Variants in CSMD1 observed in about 807,000 individuals in gnomAD.
CSMD1 encodes CUB and Sushi multiple domains 1.
In CSMD1, 213 loss-of-function variants were observed where a neutral mutation model predicts 417.5. The observed-to-expected ratio is 0.51, with a 90% CI of 0.46 to 0.57. The LOEUF is 0.57. CSMD1 is among the 20% of genes least tolerant of loss of function. CSMD1 has a pLI of 0.00. For synonymous variants in CSMD1, 2,862 were observed against 1,736.8 expected, an observed-to-expected ratio of 1.65 and a Z score of -16.11; for missense variants, 6,923 against 4,529.7, an observed-to-expected ratio of 1.53 and a Z score of -15.17.
chr8:3,003,122 T>C (rs974735970), intron 52 of CSMD1, among the ~76,000 whole-genome samples: 3 of 152,202 alleles, frequency 2.0e-5, no homozygotes, highest in Non-Finnish European at 4.4e-5. Flanking sequence ...TGACCAATTA[T>C]AGTCTATTAC....
rs1039088766 is a variant in CSMD1 at position 3,560,009 on chromosome 8, G to C, written c.1344+14936C>G. On this transcript the variant is annotated intron_variant, in intron 10 of 69. Coordinates refer to ENST00000635120, the MANE Select transcript of CSMD1 (RefSeq NM_033225.6). ...GATTTCCTAACAAGATGAGTGGCCA[G>C]CGTAAGGGATTTAGTGTGGAGGGAA... Among the ~76,000 whole-genome samples, 5 of 152,112 alleles carry C rather than the reference G, an allele frequency of 3.3e-5. No individual in the cohort carries two copies. The East Asian group carries it at 5.8e-4, about 18-fold the overall frequency.
intron 5 of CSMD1, among the ~76,000 whole-genome samples, chr8:3,841,440 T>C (rs989038898): frequency 3.3e-5 from 5 of 152,178 alleles, no homozygotes; most frequent in Non-Finnish European, 4.4e-5. Context: ...AAACAATCTT[T>C]GACATTCTTT....
At chr8:3,496,658 T>G (rs1190870503) in intron 10 of CSMD1, among the ~76,000 whole-genome samples, 1 of 152,026 alleles carries the variant, frequency 6.6e-6, no homozygotes, top group East Asian at 1.9e-4. Flanking sequence ...AAACCCTGTC[T>G]CCACTAAAAA....
At chr8:3,802,256 G>C (rs1800497962) in intron 5 of CSMD1, among the ~76,000 whole-genome samples, 2 of 152,012 alleles carry the variant, frequency 1.3e-5, no homozygotes, top group South Asian at 4.1e-4. Context: ...AATGAGTTTG[G>C]AACATCTACA....
chr8:4,141,852 C>A (rs13270835), intron 3 of CSMD1, among the ~76,000 whole-genome samples: 1 of 150,506 alleles, frequency 6.6e-6, no homozygotes. Context: ...ACTAACAGTA[C>A]CATTTAGATA....
At chr8:4,026,563 C>G (rs1026249128) in intron 4 of CSMD1, among the ~76,000 whole-genome samples, 1 of 152,150 alleles carries the variant, frequency 6.6e-6, no homozygotes, top group Non-Finnish European at 1.5e-5. Flanking sequence ...TTGGCTTAGG[C>G]CAAGTTTTAA....
chr8:3,179,927 C>G (rs1397948057), intron 37 of CSMD1, among the ~76,000 whole-genome samples: 1 of 152,124 alleles, frequency 6.6e-6, no homozygotes, highest in Non-Finnish European at 1.5e-5. Flanking sequence ...GAATGTGAAA[C>G]AGCCCTGTGG....
At chr8:3,614,687 T>G (rs1802051461) in intron 8 of CSMD1, among the ~76,000 whole-genome samples, 1 of 152,222 alleles carries the variant, frequency 6.6e-6, no homozygotes, top group South Asian at 2.1e-4. Context: ...TTTCTAGGTT[T>G]CTGGGATGAC....
chr8:3,650,092 A>T (rs1370420148), intron 7 of CSMD1, among the ~76,000 whole-genome samples: 2 of 152,158 alleles, frequency 1.3e-5, no homozygotes, highest in Non-Finnish European at 2.9e-5. Flanking sequence ...TAGCCTGGAC[A>T]ACATGGTGAA....
chr8:4,641,523 G>A (rs186413775), intron 1 of CSMD1, among the ~76,000 whole-genome samples: 34 of 152,198 alleles, frequency 2.2e-4, no homozygotes, highest in Admixed American at 2.0e-3. Flanking sequence ...GACCGTCTAA[G>A]TAGCCACACA....
intron 8 of CSMD1, among the ~76,000 whole-genome samples, chr8:3,596,441 G>A (rs1311972459): frequency 6.6e-6 from 1 of 152,194 alleles, no homozygotes; most frequent in African/African-American, 2.4e-5. Flanking sequence ...CCAAATCACA[G>A]ATGAGAACGA....
intron 2 of CSMD1, among the ~76,000 whole-genome samples, chr8:4,519,470 T>A (rs1205503320): frequency 2.6e-5 from 4 of 151,992 alleles, no homozygotes; most frequent in Non-Finnish European, 4.4e-5. Context: ...CTGGGCATGG[T>A]GGCTCACGCC....
At chr8:3,865,145 C>G (rs977777741) in intron 5 of CSMD1, among the ~76,000 whole-genome samples, 1 of 152,160 alleles carries the variant, frequency 6.6e-6, no homozygotes, top group African/African-American at 2.4e-5. Flanking sequence ...TGTGTGTGTT[C>G]CAGCTCAGGC....
intron 20 of CSMD1, among the ~76,000 whole-genome samples, chr8:3,361,299 C>G (rs1323773337): frequency 6.6e-6 from 1 of 151,946 alleles, no homozygotes; most frequent in Non-Finnish European, 1.5e-5. Context: ...TGTGTGCACT[C>G]AATTCAAGCC....
At chr8:4,522,440 C>T (rs566349059) in intron 2 of CSMD1, among the ~76,000 whole-genome samples, 2 of 152,144 alleles carry the variant, frequency 1.3e-5, no homozygotes, top group East Asian at 3.9e-4. Flanking sequence ...CAAATCTCAC[C>T]CACAATCAGA....
At chr8:3,428,596 A>T (rs1563379108) in intron 12 of CSMD1, among the ~76,000 whole-genome samples, 1 of 152,202 alleles carries the variant, frequency 6.6e-6, no homozygotes, top group Non-Finnish European at 1.5e-5. Flanking sequence ...GTAAGAGTTC[A>T]CCGTTAGTGA....
chr8:4,198,099 T>G (rs1040229855), intron 3 of CSMD1, among the ~76,000 whole-genome samples: 1 of 152,134 alleles, frequency 6.6e-6, no homozygotes, highest in African/African-American at 2.4e-5. Flanking sequence ...GGAGTCTGAG[T>G]TAAGGTAAGT....
chr8:4,625,083 T>G (rs1402786469), intron 2 of CSMD1, among the ~76,000 whole-genome samples: 1 of 152,058 alleles, frequency 6.6e-6, no homozygotes, highest in Non-Finnish European at 1.5e-5. Flanking sequence ...TGTTCCTTAA[T>G]TGGATGGGTC....
chr8:3,713,671 A>T (rs9657366), intron 6 of CSMD1, among the ~76,000 whole-genome samples: 1 of 152,138 alleles, frequency 6.6e-6, no homozygotes. Context: ...ATAAAGGGAG[A>T]TCAGATAACC....
Sources: gnomAD v4.1 joint callset for allele counts (sites outside exome capture counted in the v4.1 genomes callset) on GRCh38, gnomAD v4.1.1 for gene constraint, MANE v1.5 for transcripts, NCBI Gene and HGNC (gene_info 2026-07-23, HGNC 2026-07-21) for gene names.